Variants in TSHZ2 observed in about 807,000 individuals in gnomAD.
TSHZ2 encodes teashirt zinc finger homeobox 2.
Under a neutral mutation model 74.4 loss-of-function variants are expected in TSHZ2, and 21 were observed. That is an observed-to-expected ratio of 0.28 (90% CI 0.20 to 0.41). The LOEUF (loss-of-function observed/expected upper bound fraction) is 0.41. Ranked by LOEUF, TSHZ2 falls within the 10% of genes least tolerant of loss-of-function variation. The pLI is 1.00. For synonymous variants in TSHZ2, 540 were observed against 515.3 expected, an observed-to-expected ratio of 1.05 and a Z score of -0.65; for missense variants, 1,244 against 1,293.5, an observed-to-expected ratio of 0.96 and a Z score of 0.59.
At chr20:53,389,515 G>C (rs1982172570) in intron 2 of TSHZ2, among the ~76,000 whole-genome samples, 1 of 152,226 alleles carries the variant, frequency 6.6e-6, no homozygotes, top group Non-Finnish European at 1.5e-5. Context: ...GGAAATTCCA[G>C]GCAGAGTGGC....
intron 2 of TSHZ2, among the ~76,000 whole-genome samples, chr20:53,382,047 G>A (rs1053522610): frequency 9.9e-5 from 15 of 152,080 alleles, no homozygotes; most frequent in Admixed American, 5.2e-4. Flanking sequence ...CTTGCAGGTG[G>A]AGCTCTGAGG....
intron 2 of TSHZ2, among the ~76,000 whole-genome samples, chr20:53,407,572 C>G (rs148001202): frequency 1.6e-4 from 24 of 152,314 alleles, no homozygotes; most frequent in Non-Finnish European, 3.2e-4. Context: ...GTTTGCACAG[C>G]TTCTTCCTGT....
At chr20:53,226,448 G>GTGTGTGTGTGTGTGTGTGTGTGTA (rs1989690809) in intron 1 of TSHZ2, among the ~76,000 whole-genome samples, 3 of 152,128 alleles carry the variant, frequency 2.0e-5, no homozygotes. Flanking sequence ...GTGTGTGTGT[G>GTGTGTGTGTGTGTGTGTGTGTGTA]TGTGTATGTG....
At chr20:53,470,579 G>A (rs1178365042) in intron 2 of TSHZ2, among the ~76,000 whole-genome samples, 1 of 152,150 alleles carries the variant, frequency 6.6e-6, no homozygotes, top group African/African-American at 2.4e-5. Context: ...ACTTTGGGAG[G>A]CCGGGGTGGG....
intron 1 of TSHZ2, among the ~76,000 whole-genome samples, chr20:53,171,568 G>T (rs1245166567): frequency 1.3e-5 from 2 of 151,180 alleles, no homozygotes; most frequent in Non-Finnish European, 2.9e-5. Context: ...CCTAAATTAA[G>T]TGTTATGTTT....
intron 1 of TSHZ2, among the ~76,000 whole-genome samples, chr20:53,184,641 A>G (rs1194212621): frequency 6.6e-6 from 1 of 152,206 alleles, no homozygotes; most frequent in Non-Finnish European, 1.5e-5. Flanking sequence ...ATGCTGTTAT[A>G]TAACCTGCTA....
chr20:53,059,912 C>G (rs1449340109), intron 1 of TSHZ2, among the ~76,000 whole-genome samples: 1 of 152,172 alleles, frequency 6.6e-6, no homozygotes, highest in East Asian at 1.9e-4. Context: ...TAAAAATACC[C>G]TAGCTTCATG....
At chr20:53,067,848 A>C (rs1985041852) in intron 1 of TSHZ2, among the ~76,000 whole-genome samples, 1 of 152,190 alleles carries the variant, frequency 6.6e-6, no homozygotes, top group Admixed American at 6.5e-5. Context: ...ACTGTCTCAG[A>C]GCTTCAGAGG....
intron 1 of TSHZ2, among the ~76,000 whole-genome samples, chr20:52,984,584 G>A (rs1025936373): frequency 1.3e-5 from 2 of 152,124 alleles, no homozygotes; most frequent in African/African-American, 4.8e-5. Context: ...GGGTGAGCAG[G>A]GAGGGTAAAG....
At chr20:53,140,081 G>A (rs1171238050) in intron 1 of TSHZ2, among the ~76,000 whole-genome samples, 1 of 152,034 alleles carries the variant, frequency 6.6e-6, no homozygotes, top group Non-Finnish European at 1.5e-5. Context: ...GGCTCTCAGT[G>A]CACAGTGTTG....
chr20:53,038,192 CAAAAAAAAAAAAAAAAAAAAAAAAAAAA>C (rs869242676), intron 1 of TSHZ2, among the ~76,000 whole-genome samples: 19 of 53,946 alleles, frequency 3.5e-4, no homozygotes, highest in Admixed American at 1.6e-3. Context: ...GATTCCGTCT[CAAAAAAAAAAAAAAAAAAAAAAAAAAAA>C]AAAAAAAAAA....
At chr20:53,438,289 T>C (rs1403368900) in intron 2 of TSHZ2, among the ~76,000 whole-genome samples, 1 of 151,862 alleles carries the variant, frequency 6.6e-6, no homozygotes, top group African/African-American at 2.4e-5. Context: ...TTTTGTACTT[T>C]AGTAGAGATG....
chr20:53,471,367 T>C (rs1355756434), intron 2 of TSHZ2, among the ~76,000 whole-genome samples: 2 of 152,174 alleles, frequency 1.3e-5, no homozygotes, highest in African/African-American at 2.4e-5. Context: ...AGATAGTGGG[T>C]TTTATACTTG....
chr20:53,030,537 T>A (rs1422493170), intron 1 of TSHZ2, among the ~76,000 whole-genome samples: 2 of 152,198 alleles, frequency 1.3e-5, no homozygotes, highest in Non-Finnish European at 2.9e-5. Flanking sequence ...ATTTTTTATA[T>A]CATGGTTGCC....
chr20:53,362,174 A>G (rs1600830550), intron 2 of TSHZ2, among the ~76,000 whole-genome samples: 1 of 125,036 alleles, frequency 8.0e-6, no homozygotes, highest in African/African-American at 3.1e-5. Context: ...GCCTCTTCAC[A>G]CAGTTTGTTG....
intron 2 of TSHZ2, among the ~76,000 whole-genome samples, chr20:53,383,766 A>T (rs986600193): frequency 2.6e-5 from 4 of 152,158 alleles, no homozygotes; most frequent in African/African-American, 9.7e-5. Flanking sequence ...TCTCCAAAAA[A>T]TAATAACAAT....
At chr20:53,279,947 CGTT>C (rs1277332295) in intron 2 of TSHZ2, among the ~76,000 whole-genome samples, 2 of 152,136 alleles carry the variant, frequency 1.3e-5, no homozygotes, top group Non-Finnish European at 2.9e-5. Flanking sequence ...GAGCTGGGCT[CGTT>C]GTGGGGAACT....
chr20:53,309,056 C>T (rs1600803109), intron 2 of TSHZ2, among the ~76,000 whole-genome samples: 2 of 152,270 alleles, frequency 1.3e-5, no homozygotes, highest in South Asian at 2.1e-4. Flanking sequence ...CGCCAACAGG[C>T]AAGACAGAGC....
chr20:53,470,810 C>T (rs1403885758), intron 2 of TSHZ2, among the ~76,000 whole-genome samples: 1 of 144,040 alleles, frequency 6.9e-6, no homozygotes, highest in Non-Finnish European at 1.5e-5. Flanking sequence ...AAAAATCCAT[C>T]TCAAAAAAAA....
Sources: gnomAD v4.1 joint callset for allele counts (sites outside exome capture counted in the v4.1 genomes callset) on GRCh38, gnomAD v4.1.1 for gene constraint, MANE v1.5 for transcripts, NCBI Gene and HGNC (gene_info 2026-07-23, HGNC 2026-07-21) for gene names.